The following PDE5A variants were observed in gnomAD, a reference collection of about 807,000 sequenced individuals.
PDE5A encodes phosphodiesterase 5A.
Under a neutral mutation model 110.2 loss-of-function variants are expected in PDE5A, and 67 were observed. The observed-to-expected ratio is 0.61, with a 90% confidence interval of 0.50 to 0.75. The LOEUF is 0.75. Ranked by LOEUF, PDE5A falls within the 30% of genes least tolerant of loss-of-function variation. PDE5A has a pLI of 0.00. For missense variants in PDE5A, 862 were observed against 1,045.1 expected (o/e 0.82, Z 2.42); for synonymous variants, 328 against 351.2 (o/e 0.93, Z 0.74).
At chr4:119,595,622 C>T (rs1729126049) in intron 3 of PDE5A, among the ~76,000 whole-genome samples, 1 of 152,168 alleles carries the variant, frequency 6.6e-6, no homozygotes, top group Non-Finnish European at 1.5e-5. Context: ...TCTGAGACAA[C>T]AGAACTTCAA....
chr4:119,625,045 C>T (rs1377854183), intron 1 of PDE5A, among the ~76,000 whole-genome samples: 1 of 148,354 alleles, frequency 6.7e-6, no homozygotes, highest in South Asian at 2.1e-4. Context: ...GAGTCTCACT[C>T]TGTTGCCCAG....
intron 19 of PDE5A, 87 bp from the exon 20 acceptor site, chr4:119,501,340 T>C (rs1178057587): frequency 1.2e-6 from 1 of 804,082 alleles, no homozygotes; most frequent in Non-Finnish European, 2.1e-6. Flanking sequence ...AGATGGAGTC[T>C]CACTCTGTTG....
chr4:119,504,446 T>C (rs890335139), intron 18 of PDE5A, 90 bp downstream of exon 18: 5 of 938,832 alleles, frequency 5.3e-6, no homozygotes, highest in Non-Finnish European at 8.3e-6. Context: ...AGTCATTTAT[T>C]TTTCTTTAGG....
intron 1 of PDE5A, among the ~76,000 whole-genome samples, chr4:119,614,698 T>C (rs930857773): frequency 6.6e-6 from 1 of 152,160 alleles, no homozygotes; most frequent in African/African-American, 2.4e-5. Context: ...TCCCACATAA[T>C]GTATTGCATA....
chr4:119,578,510 A>G (rs1377505504), intron 3 of PDE5A, among the ~76,000 whole-genome samples: 1 of 152,198 alleles, frequency 6.6e-6, no homozygotes, highest in Non-Finnish European at 1.5e-5. Flanking sequence ...ATGGAACAGA[A>G]CAGAGCCCTC....
intron 7 of PDE5A, among the ~76,000 whole-genome samples, chr4:119,556,123 G>C (rs1727529236): frequency 6.6e-6 from 1 of 152,146 alleles, no homozygotes; most frequent in Non-Finnish European, 1.5e-5. Context: ...CTAGTGCAGA[G>C]ACTGCCAGTT....
At chr4:119,602,481 G>T (rs13120581) in intron 2 of PDE5A, among the ~76,000 whole-genome samples, 15,514 of 152,090 alleles carry the variant, frequency 0.1, 1,028 homozygotes, top group Non-Finnish European at 0.15. Context: ...TTATAAGGCT[G>T]GTTTTCTTCC....
intron 3 of PDE5A, among the ~76,000 whole-genome samples, chr4:119,585,780 C>T (rs528589567): frequency 6.6e-6 from 1 of 152,222 alleles, no homozygotes; most frequent in African/African-American, 2.4e-5. Context: ...CCGGGAAAGT[C>T]GTAGTGATGG....
chr4:119,553,224 G>A (rs1727419731), intron 8 of PDE5A, among the ~76,000 whole-genome samples: 1 of 151,926 alleles, frequency 6.6e-6, no homozygotes, highest in South Asian at 2.1e-4. Context: ...TAGCTTTGAG[G>A]TCAAGAAAAA....
intron 11 of PDE5A, among the ~76,000 whole-genome samples, chr4:119,530,785 A>G: frequency 6.6e-6 from 1 of 152,126 alleles, no homozygotes; most frequent in Non-Finnish European, 1.5e-5. Context: ...TATAAATTTA[A>G]TTTGGCATAG....
intron 15 of PDE5A, among the ~76,000 whole-genome samples, chr4:119,510,728 CCACTT>C (rs1415703922): frequency 6.6e-6 from 1 of 152,012 alleles, no homozygotes; most frequent in Non-Finnish European, 1.5e-5. Flanking sequence ...GCTATAGAAA[CCACTT>C]CATTCGATTA....
rs193190482 is a variant in PDE5A, at chr4:119,517,317, A to G, written c.2000+1728T>C. Among the ~76,000 whole-genome samples, 19 of 152,210 alleles carry G rather than the reference A, an allele frequency of 1.2e-4. No homozygotes were observed. In the East Asian group the frequency reaches 3.7e-3, roughly 29 times the overall value. On this transcript the variant is annotated intron_variant, in intron 14 of 20. Transcript: ENST00000354960. ...ACCTTTTTAGAAGATAGTACTTTAC[A>G]TGGGAATATTTATGGTACTCATAGT...
chr4:119,542,850 G>T (rs182347622), intron 9 of PDE5A, among the ~76,000 whole-genome samples: 1 of 151,906 alleles, frequency 6.6e-6, no homozygotes, highest in Admixed American at 6.6e-5. Context: ...CATTGCTGGC[G>T]TTCAAAAAAT....
chr4:119,519,371 C>A, intron 13 of PDE5A: 1 of 435,984 alleles, frequency 2.3e-6, no homozygotes, highest in Non-Finnish European at 4.1e-6. Flanking sequence ...AGCTGAAATG[C>A]CTCAATAAAT....
At chr4:119,590,184 T>A (rs1483988961) in intron 3 of PDE5A, among the ~76,000 whole-genome samples, 1 of 152,220 alleles carries the variant, frequency 6.6e-6, no homozygotes, top group Non-Finnish European at 1.5e-5. Flanking sequence ...TAGGTAGGAA[T>A]AAGATAATGG....
In PDE5A at chr4:119,525,456, C is replaced by A; in HGVS notation, c.1779+93G>T. ...ATTAATCACTAAAATGTAAAAATCC[C>A]TATTCCATATTTGCATTCAAAACCA... is the stretch of plus-strand genomic sequence containing the variant. On this transcript the variant is annotated intron_variant, in intron 12 of 20. Coordinates refer to ENST00000354960, the MANE Select transcript of PDE5A (RefSeq NM_001083.4). This position sits in a 1 kb window ranked among gnomAD's most constrained non-coding sequence, Gnocchi z 4.3. The A allele has an allele frequency of 8.4e-7, 1 of 1,188,598 alleles. No individual in the cohort carries two copies. The highest frequency in any genetic ancestry group is 1.2e-6 in the Non-Finnish European group (1 of 845,786). 73.6% of individuals were successfully genotyped at this position (1,188,598 alleles called of 1,614,324 possible).
At chr4:119,593,990 A>G (rs752321413) in intron 3 of PDE5A, among the ~76,000 whole-genome samples, 1 of 152,228 alleles carries the variant, frequency 6.6e-6, no homozygotes, top group Non-Finnish European at 1.5e-5. Context: ...GCATGGGGGA[A>G]AACGCCCACA....
intron 7 of PDE5A, among the ~76,000 whole-genome samples, chr4:119,558,822 C>T (rs1410368250): frequency 1.4e-5 from 2 of 141,988 alleles, no homozygotes; most frequent in South Asian, 2.2e-4. Flanking sequence ...GAGGCTGAGG[C>T]GGGAGAATGG....
chr4:119,591,880 A>G (rs4834784), intron 3 of PDE5A, among the ~76,000 whole-genome samples: 117,872 of 151,880 alleles, frequency 0.78, 45,897 homozygotes, highest in East Asian at 0.89. Flanking sequence ...GGCCGGGCGC[A>G]GTGGCTCACG....
Sources: allele counts gnomAD v4.1 joint callset (sites outside exome capture counted in the v4.1 genomes callset), GRCh38; gene constraint gnomAD v4.1.1; non-coding constraint Gnocchi (gnomAD v3.1); transcripts MANE v1.5; gene names NCBI Gene and HGNC (gene_info 2026-07-23, HGNC 2026-07-21).